The following SLC9C1 variants were observed in gnomAD, a reference collection of about 807,000 sequenced individuals.
SLC9C1 encodes sodium/hydrogen exchanger 10.
A neutral mutation model predicts 140.9 loss-of-function variants in SLC9C1; 97 were observed. That is an observed-to-expected ratio of 0.69 (90% CI 0.58 to 0.82). The LOEUF is 0.82. Ranked by LOEUF, SLC9C1 falls within the 40% of genes least tolerant of loss-of-function variation. The probability of loss-of-function intolerance (pLI) is 0.00; values close to 1 mark genes in which losing one functional copy is unlikely to be tolerated. For missense variants in SLC9C1, 1,340 were observed against 1,389.3 expected (o/e 0.96, Z 0.56); for synonymous variants, 440 against 442.6 (o/e 0.99, Z 0.07).
chr3:112,208,160 AC>A lies in SLC9C1; in HGVS notation c.1986+17del, dbSNP rs764710625. 2 of 1,562,748 alleles carry A rather than the reference AC, an allele frequency of 1.3e-6. No individual in the cohort carries two copies. On this transcript the variant is annotated intron_variant, in intron 16 of 28. Coordinates refer to ENST00000305815, the MANE Select transcript of SLC9C1 (RefSeq NM_183061.3). The stretch of plus-strand genomic sequence containing the variant: ...TCAGACATATAACACTTCCATACAC[AC>A]ATAAATTTTAGATTACCTTAAGTAG...
chr3:112,189,254 T>C (rs1458198504), intron 20 of SLC9C1, among the ~76,000 whole-genome samples: 1 of 152,236 alleles, frequency 6.6e-6, no homozygotes, highest in Admixed American at 6.5e-5. Context: ...TTTGTCAATT[T>C]TGGCTTTTGT....
At chr3:112,217,298 T>C (rs1189201935) in intron 15 of SLC9C1, 144 bp downstream of exon 15, 3 of 834,424 alleles carry the variant, frequency 3.6e-6, no homozygotes, top group East Asian at 3.0e-5. Context: ...GTCACATGTA[T>C]GCATATGTAA....
intron 17 of SLC9C1, 41 bp from the exon 18 acceptor site, chr3:112,202,440 TATC>T: frequency 6.5e-7 from 1 of 1,539,740 alleles, no homozygotes; most frequent in Non-Finnish European, 8.8e-7. Flanking sequence ...ATTGCACAAA[TATC>T]ATTTTATGAT....
At chr3:112,202,098 G>T in intron 18 of SLC9C1, 152 bp downstream of exon 18, 1 of 841,608 alleles carries the variant, frequency 1.2e-6, no homozygotes. Context: ...AGGCATTTGA[G>T]TAATTTAAAT....
chr3:112,239,712 G>T (rs2079089499), intron 12 of SLC9C1, 128 bp downstream of exon 12: 3 of 943,118 alleles, frequency 3.2e-6, no homozygotes, highest in African/African-American at 3.3e-5. Context: ...TTGTTAAATA[G>T]AGTTATTAAC....
intron 23 of SLC9C1, among the ~76,000 whole-genome samples, chr3:112,170,425 T>C (rs2077224520): frequency 6.6e-6 from 1 of 152,352 alleles, no homozygotes; most frequent in Non-Finnish European, 1.5e-5. Flanking sequence ...GTATGTCTTC[T>C]TTTGAGAAAT....
intron 26 of SLC9C1, among the ~76,000 whole-genome samples, chr3:112,155,490 T>C (rs1033483805): frequency 2.0e-5 from 3 of 152,160 alleles, no homozygotes; most frequent in Middle Eastern, 3.2e-3. Flanking sequence ...TATGTTGGGC[T>C]ATTGGAGCAT....
Position 112,221,109 on chromosome 3 carries a change from C to T in SLC9C1, c.1670+19G>A, listed in dbSNP as rs543450500. ...TGCTGTGGCTTAGAATAGAAGCCAT[C>T]TCTTGAGAATATACTTACTTTCCCT... On this transcript the variant is annotated intron_variant, in intron 14 of 28. Coordinates refer to ENST00000305815, the MANE Select transcript of SLC9C1 (RefSeq NM_183061.3). 3.1e-6 allele frequency: 5 copies of T among 1,600,406 alleles called. No homozygotes were observed. Among genetic ancestry groups the T allele is most frequent in the African/African-American group, 2.7e-5 (2 of 74,702 alleles).
intron 28 of SLC9C1, chr3:112,147,556 A>G (rs1317737233): frequency 2.6e-6 from 1 of 381,852 alleles, no homozygotes; most frequent in Non-Finnish European, 5.1e-6. Flanking sequence ...GTTTGGCAGG[A>G]TATGAAATTC....
chr3:112,202,203 A>G, intron 18 of SLC9C1, 47 bp downstream of exon 18: 3 of 1,602,020 alleles, frequency 1.9e-6, no homozygotes, highest in Non-Finnish European at 2.6e-6. Flanking sequence ...GATGAGGGCA[A>G]CTGAGGGCTG....
chr3:112,149,487 A>G (rs2074897392), intron 28 of SLC9C1, among the ~76,000 whole-genome samples: 1 of 151,004 alleles, frequency 6.6e-6, no homozygotes, highest in South Asian at 2.1e-4. Flanking sequence ...ACCATGATCT[A>G]TGTGCAGAAA....
chr3:112,291,389 C>T (rs1375022401), intron 1 of SLC9C1, among the ~76,000 whole-genome samples: 1 of 152,062 alleles, frequency 6.6e-6, no homozygotes, highest in African/African-American at 2.4e-5. Flanking sequence ...GGTCTAATAT[C>T]CAGCATCTAT....
At chr3:112,223,749 G>C (rs993661180) in intron 13 of SLC9C1, among the ~76,000 whole-genome samples, 1 of 152,006 alleles carries the variant, frequency 6.6e-6, no homozygotes, top group African/African-American at 2.4e-5. Flanking sequence ...CTCCAAAAAG[G>C]TTCAGATTAA....
At chr3:112,211,662 G>A (rs186945499) in intron 15 of SLC9C1, among the ~76,000 whole-genome samples, 6 of 152,342 alleles carry the variant, frequency 3.9e-5, no homozygotes, top group Admixed American at 3.3e-4. Context: ...CTGGGGGAGG[G>A]GCGCCCACCA....
chr3:112,288,136 A>G (rs200378576), intron 1 of SLC9C1, among the ~76,000 whole-genome samples: 1 of 151,284 alleles, frequency 6.6e-6, no homozygotes, highest in Non-Finnish European at 1.5e-5. Context: ...ACACACACGC[A>G]CACACACACA....
intron 23 of SLC9C1, among the ~76,000 whole-genome samples, chr3:112,179,097 G>T (rs1576282199): frequency 6.6e-6 from 1 of 152,202 alleles, no homozygotes; most frequent in Admixed American, 6.5e-5. Flanking sequence ...TTCTTTTTGA[G>T]TTCAAATTAA....
At chr3:112,215,129 T>C (rs1015342324) in intron 15 of SLC9C1, among the ~76,000 whole-genome samples, 4 of 152,222 alleles carry the variant, frequency 2.6e-5, no homozygotes, top group Non-Finnish European at 5.9e-5. Flanking sequence ...TCTCAATAGA[T>C]GCAGAAAAGG....
chr3:112,167,235 G>A lies in SLC9C1; in HGVS notation c.3350C>T (p.Thr1117Ile), dbSNP rs2077156815. 6.2e-7 allele frequency: 1 copy of A among 1,607,494 alleles called. No individual in the cohort carries two copies. The highest frequency in any genetic ancestry group is 2.2e-5 in the East Asian group (1 of 44,482). The change falls in exon 26 of 29, where the codon ACA (threonine) becomes ATA (isoleucine). Residue 1117 changes from threonine (T) to isoleucine (I), a missense_variant. Coordinates refer to ENST00000305815, the MANE Select transcript of SLC9C1 (RefSeq NM_183061.3). ...GTCTAACTCACCTATTAATCCTGGT[G>A]TAAGATAACTTTTATGTTTAGGAAC... is the stretch of plus-strand genomic sequence containing the variant. ...KFVPKHKSYL[T>I]PGLIGSVGTL...
chr3:112,195,491 A>AT (rs923607229), intron 20 of SLC9C1, among the ~76,000 whole-genome samples: 37 of 151,778 alleles, frequency 2.4e-4, no homozygotes, highest in African/African-American at 6.5e-4. Flanking sequence ...ATTTTGCTGT[A>AT]TTTTTTTTGT....
Sources: gnomAD v4.1 joint callset for allele counts (sites outside exome capture counted in the v4.1 genomes callset) on GRCh38, gnomAD v4.1.1 for gene constraint, MANE v1.5 for transcripts, NCBI Gene and HGNC (gene_info 2026-07-23, HGNC 2026-07-21) for gene names.